Variants in LDLRAD4 observed in about 807,000 individuals in gnomAD.
LDLRAD4 encodes low-density lipoprotein receptor class A domain-containing protein 4.
A neutral mutation model predicts 17.0 loss-of-function variants in LDLRAD4; 5 were observed. The observed-to-expected ratio is 0.29, with a 90% CI of 0.15 to 0.62. The LOEUF (loss-of-function observed/expected upper bound fraction) is 0.62. LDLRAD4 is among the 20% of genes least tolerant of loss of function. LDLRAD4 has a pLI of 0.84. For synonymous variants in LDLRAD4, 168 were observed against 171.8 expected (o/e 0.98, Z 0.17); for missense variants, 340 against 424.7 (o/e 0.80, Z 1.75).
At chr18:13,639,886 C>T (rs1221930370) in intron 4 of LDLRAD4, among the ~76,000 whole-genome samples, 1 of 152,140 alleles carries the variant, frequency 6.6e-6, no homozygotes, top group African/African-American at 2.4e-5. Context: ...GAGGAAAGTG[C>T]TTATGTTATA....
chr18:13,224,087 A>G (rs1018172497), intron 1 of LDLRAD4, among the ~76,000 whole-genome samples: 1 of 151,268 alleles, frequency 6.6e-6, no homozygotes, highest in Middle Eastern at 3.4e-3. Flanking sequence ...TCCCTCCCCA[A>G]CTCCCTCCCC....
At chr18:13,452,809 A>T (rs1339229204) in intron 3 of LDLRAD4, among the ~76,000 whole-genome samples, 1 of 152,188 alleles carries the variant, frequency 6.6e-6, no homozygotes, top group African/African-American at 2.4e-5. Flanking sequence ...ACCATATGTG[A>T]TAAGAACTCA....
At chr18:13,382,308 G>A (rs1017190493) in intron 1 of LDLRAD4, among the ~76,000 whole-genome samples, 3 of 152,132 alleles carry the variant, frequency 2.0e-5, no homozygotes, top group Non-Finnish European at 2.9e-5. Context: ...GATATAATAC[G>A]GACACAGTTC....
intron 3 of LDLRAD4, among the ~76,000 whole-genome samples, chr18:13,546,481 G>T (rs927016166): frequency 4.0e-5 from 6 of 151,128 alleles, no homozygotes; most frequent in African/African-American, 1.5e-4. Context: ...CGATTCTCCT[G>T]CCTCAGCCTC....
At position 13,253,762 on chromosome 18, in the gene LDLRAD4, G is replaced by T. The variant is rs577143892; in HGVS notation, c.-466-24343G>T. 2.3e-4 allele frequency among the ~76,000 whole-genome samples: 35 copies of T among 152,206 alleles called. 1 individual carries two copies. The highest frequency in any genetic ancestry group is 2.0e-3 in the Admixed American group (30 of 15,286). ...TTCATTAGAATTAAGCTTAGGTTCTGGGTATCGGAGCATCTCTGGCACAGG... is the reference window on the plus strand; with the variant it reads ...TTCATTAGAATTAAGCTTAGGTTCTTGGTATCGGAGCATCTCTGGCACAGG... On this transcript the variant is annotated intron_variant, in intron 1 of 5. Transcript: ENST00000399848.
chr18:13,388,917 G>C (rs1333988130), intron 2 of LDLRAD4, among the ~76,000 whole-genome samples: 1 of 152,234 alleles, frequency 6.6e-6, no homozygotes, highest in East Asian at 1.9e-4. Context: ...CCGAGTTGTG[G>C]GAGGTGGGTC....
upstream of LDLRAD4, among the ~76,000 whole-genome samples, chr18:13,276,572 G>A (rs957676317): frequency 1.3e-5 from 2 of 152,218 alleles, no homozygotes; most frequent in African/African-American, 4.8e-5. Flanking sequence ...CAGGACTGAT[G>A]TCCCTGTTCC....
exon 6 of LDLRAD4, chr18:13,649,125 T>G (rs911619134): frequency 1.3e-5 from 2 of 152,166 alleles, no homozygotes; most frequent in African/African-American, 4.8e-5. Flanking sequence ...GCATTTCCAT[T>G]CACTAATTTT....
rs181394640 is a variant in LDLRAD4 at position 13,288,255 on chromosome 18, A to T, written c.-383+10067A>T. Among the ~76,000 whole-genome samples the T allele has an allele frequency of 2.0e-5, 3 of 152,356 alleles. No individual in the cohort carries two copies. The East Asian group carries it at 5.8e-4, about 29-fold the overall frequency. On this transcript the variant is annotated intron_variant, in intron 1 of 5. Coordinates refer to ENST00000359446, the Ensembl canonical transcript of LDLRAD4. ...AGGCAAATGTCCCAACCTCAACTTC[A>T]GGTGAATAAAGGAAAATGATATCCT...
At chr18:13,381,389 A>C (rs1225240635) in intron 1 of LDLRAD4, among the ~76,000 whole-genome samples, 2 of 151,810 alleles carry the variant, frequency 1.3e-5, no homozygotes, top group African/African-American at 4.8e-5. Context: ...TTTTATGCCC[A>C]TTTGCCCTCT....
At chr18:13,364,216 G>A (rs1022195543) in intron 1 of LDLRAD4, among the ~76,000 whole-genome samples, 7 of 152,146 alleles carry the variant, frequency 4.6e-5, no homozygotes, top group African/African-American at 1.7e-4. Context: ...GTTAACTTTG[G>A]TCATGGGGTT....
chr18:13,450,608 A>G (rs148455470), intron 3 of LDLRAD4, among the ~76,000 whole-genome samples: 272 of 152,304 alleles, frequency 1.8e-3, no homozygotes, highest in African/African-American at 6.1e-3. Flanking sequence ...GCTAGGTGAC[A>G]TGGGAGGGTG....
intron 4 of LDLRAD4, among the ~76,000 whole-genome samples, chr18:13,627,138 G>A (rs1023169699): frequency 6.6e-6 from 1 of 152,176 alleles, no homozygotes; most frequent in Non-Finnish European, 1.5e-5. Flanking sequence ...AGGTGTGGTG[G>A]CACGTGCCTG....
At chr18:13,285,720 C>G (rs1020027255) in intron 1 of LDLRAD4, among the ~76,000 whole-genome samples, 1 of 152,056 alleles carries the variant, frequency 6.6e-6, no homozygotes, top group Non-Finnish European at 1.5e-5. Context: ...CCATGTCTTT[C>G]TTGAAACTCG....
intron 1 of LDLRAD4, among the ~76,000 whole-genome samples, chr18:13,232,217 G>A (rs991026799): frequency 7.9e-5 from 12 of 152,210 alleles, no homozygotes; most frequent in Admixed American, 5.9e-4. Context: ...TCTTCTGGGC[G>A]CTCTTGTGGG....
intron 3 of LDLRAD4, among the ~76,000 whole-genome samples, chr18:13,493,523 C>T (rs1162359259): frequency 1.3e-5 from 2 of 152,148 alleles, no homozygotes; most frequent in African/African-American, 4.8e-5. Flanking sequence ...CTGAGGCTTC[C>T]GGCTTTGGTG....
chr18:13,513,104 C>T (rs2147501950), intron 3 of LDLRAD4, among the ~76,000 whole-genome samples: 1 of 152,314 alleles, frequency 6.6e-6, no homozygotes, highest in South Asian at 2.1e-4. Flanking sequence ...ATTACATAAG[C>T]TCCATAAGTG....
intron 3 of LDLRAD4, among the ~76,000 whole-genome samples, chr18:13,485,676 C>T (rs1270970524): frequency 6.6e-6 from 1 of 152,198 alleles, no homozygotes; most frequent in Admixed American, 6.5e-5. Flanking sequence ...TAATAATTAT[C>T]CCTATATGTC....
chr18:13,586,420 A>AAAAAAAAAAAAAAAAAAAG, intron 3 of LDLRAD4, among the ~76,000 whole-genome samples: 2 of 148,196 alleles, frequency 1.3e-5, no homozygotes, highest in Non-Finnish European at 1.5e-5. Flanking sequence ...AAAAAAAAAA[A>AAAAAAAAAAAAAAAAAAAG]AGAATAGAAA....
Sources: allele counts gnomAD v4.1 joint callset (sites outside exome capture counted in the v4.1 genomes callset), GRCh38; gene constraint gnomAD v4.1.1; transcripts MANE v1.5; gene names NCBI Gene and HGNC (gene_info 2026-07-23, HGNC 2026-07-21).